The following C9orf72 variants were observed in gnomAD, a reference collection of about 807,000 sequenced individuals.
The protein encoded by C9orf72 is guanine nucleotide exchange factor C9orf72.
A neutral mutation model predicts 51.6 loss-of-function variants in C9orf72; 44 were observed. The ratio of observed to expected loss-of-function variants is 0.85; its 90% confidence interval spans 0.67 to 1.10. The LOEUF (loss-of-function observed/expected upper bound fraction) is 1.10. Among genes scored for constraint, C9orf72 ranks in the 50% least tolerant of loss-of-function variants. C9orf72 has a pLI of 0.00. For missense variants in C9orf72, 607 were observed against 570.6 expected, an observed-to-expected ratio of 1.06 and a Z score of -0.65; for synonymous variants, 213 against 194.2, an observed-to-expected ratio of 1.10 and a Z score of -0.81.
Position 27,566,992 on chromosome 9 carries a change from G to C in C9orf72, c.129C>G (p.His43Gln). ...WDNILGPRVR[H>Q]IWAPKTEQVL... ...CCTGTTCTGTCTTTGGAGCCCAAAT[G>C]TGCCTTACTCTAGGACCAAGAATAT... The change falls in exon 2 of 11, where the codon CAC becomes CAG. Residue 43 changes from histidine (H) to glutamine (Q), a missense_variant. Coordinates refer to ENST00000380003, the MANE Select transcript of C9orf72 (RefSeq NM_018325.5). 3 of 1,614,068 alleles carry C rather than the reference G, an allele frequency of 1.9e-6. 1 individual carries two copies. In the South Asian group the frequency reaches 3.3e-5, roughly 18 times the overall value.
intron 5 of C9orf72, chr9:27,560,675 A>C: frequency 2.0e-6 from 2 of 991,050 alleles, no homozygotes; most frequent in Non-Finnish European, 2.4e-6. Context: ...CAGATACAGG[A>C]CTAAAGTGCT....
intron 1 of C9orf72, among the ~76,000 whole-genome samples, chr9:27,570,719 T>C (rs1465101307): frequency 6.6e-6 from 1 of 151,832 alleles, no homozygotes; most frequent in Non-Finnish European, 1.5e-5. Context: ...TACAAAAAAT[T>C]AGCCGGGTGT....
At chr9:27,549,367 G>C (rs1029268988) in intron 9 of C9orf72, among the ~76,000 whole-genome samples, 2 of 152,084 alleles carry the variant, frequency 1.3e-5, no homozygotes, top group African/African-American at 2.4e-5. Flanking sequence ...GCAGGGGGTG[G>C]AGTGGGTGGG....
At chr9:27,551,026 A>T (rs1037511436) in intron 8 of C9orf72, among the ~76,000 whole-genome samples, 3 of 152,140 alleles carry the variant, frequency 2.0e-5, no homozygotes, top group Admixed American at 6.6e-5. Flanking sequence ...CTCATCTTTT[A>T]AAAAAAGTAG....
chr9:27,548,740 T>C (rs1471111480), intron 9 of C9orf72, 74 bp from the exon 10 acceptor site: 2 of 818,468 alleles, frequency 2.4e-6, no homozygotes, highest in Non-Finnish European at 4.2e-6. Flanking sequence ...ATGACAGTGT[T>C]GACAGTGCTT....
At chr9:27,560,658 C>T (rs571112409) in intron 5 of C9orf72, 4 of 1,007,026 alleles carry the variant, frequency 4.0e-6, no homozygotes, top group African/African-American at 1.7e-5. Flanking sequence ...GAAAGGCTGA[C>T]ACTGAACAGA....
intron 9 of C9orf72, among the ~76,000 whole-genome samples, chr9:27,549,052 C>A (rs1458748481): frequency 6.6e-6 from 1 of 152,138 alleles, no homozygotes. Flanking sequence ...ACCATGTTGG[C>A]AGGATGGTCT....
chr9:27,567,421 TA>T (rs1819494468), intron 1 of C9orf72, among the ~76,000 whole-genome samples: 1 of 152,086 alleles, frequency 6.6e-6, no homozygotes, highest in African/African-American at 2.4e-5. Flanking sequence ...AGAAATAACT[TA>T]AAAAAGGGCT....
intron 8 of C9orf72, 180 bp downstream of exon 8, chr9:27,556,381 C>T (rs1487726541): frequency 1.7e-6 from 1 of 591,234 alleles, no homozygotes; most frequent in East Asian, 2.8e-5. Flanking sequence ...AGGGTAAACA[C>T]AATTGTATGG....
chr9:27,567,075 C>G lies in C9orf72; in HGVS notation c.46G>C (p.Glu16Gln). ...GGTGATTTGCCACTTAAAGCAATCT[C>G]TGTCTTGGCAACAGCTGGAGATGGC... ...PPPSPAVAKTEIALSGKSPLL... is the reference protein window; with the variant it reads ...PPPSPAVAKTQIALSGKSPLL... Residue 16 changes from glutamate to glutamine, a missense_variant, in exon 2 of 11, where the codon GAG (glutamate) becomes CAG (glutamine). Transcript: ENST00000380003. 4 of 1,614,002 alleles carry G rather than the reference C, an allele frequency of 2.5e-6. No individual in the cohort carries two copies. The highest frequency in any genetic ancestry group is 3.4e-6 in the Non-Finnish European group (4 of 1,179,898).
intron 3 of C9orf72, among the ~76,000 whole-genome samples, chr9:27,563,224 CAGAAA>C (rs1819392686): frequency 6.6e-6 from 1 of 151,786 alleles, no homozygotes; most frequent in South Asian, 2.1e-4. Flanking sequence ...ATCAATAAAA[CAGAAA>C]AATTCCCTTT....
intron 1 of C9orf72, among the ~76,000 whole-genome samples, chr9:27,569,113 A>G (rs1819533107): frequency 6.6e-6 from 1 of 152,144 alleles, no homozygotes; most frequent in African/African-American, 2.4e-5. Flanking sequence ...AGAAAATAGA[A>G]AAAAGCTTCT....
intron 7 of C9orf72, among the ~76,000 whole-genome samples, chr9:27,557,924 AAATAAC>A (rs1371707074): frequency 1.9e-4 from 29 of 151,862 alleles, no homozygotes; most frequent in Non-Finnish European, 3.7e-4. Flanking sequence ...ACTATAATTG[AAATAAC>A]AATAATAGAT....
At chr9:27,563,042 G>A (rs571952726) in intron 3 of C9orf72, among the ~76,000 whole-genome samples, 110 of 151,846 alleles carry the variant, frequency 7.2e-4, no homozygotes, top group African/African-American at 2.6e-3. Flanking sequence ...AAAAAAATTT[G>A]TTAAAGGTCA....
chr9:27,559,118 G>GT (rs1344538244), intron 6 of C9orf72: 2 of 152,230 alleles, frequency 1.3e-5, no homozygotes, highest in Non-Finnish European at 2.9e-5. Context: ...AAAAAGGCAT[G>GT]TAACTATCTT....
At chr9:27,561,560 C>T in intron 5 of C9orf72, 25 bp downstream of exon 5, 4 of 1,609,980 alleles carry the variant, frequency 2.5e-6, no homozygotes, top group Non-Finnish European at 3.4e-6. Flanking sequence ...CTTCATCCAG[C>T]TTTTATGAAA....
intron 3 of C9orf72, among the ~76,000 whole-genome samples, chr9:27,564,762 T>G (rs1819427863): frequency 6.6e-6 from 1 of 152,148 alleles, no homozygotes. Context: ...ACAGCCATGT[T>G]TAAAATATTG....
In C9orf72 at chr9:27,548,117, A is replaced by G. The variant is rs979296178; in HGVS notation, c.*119T>C. On this transcript the variant is annotated 3_prime_UTR_variant, in exon 11 of 11. Transcript: ENST00000380003. Reference sequence around the variant, plus strand: ...GTGAGAACTGTAGTGTAACTTACTTAACTGCAATTGCTGAGAGCAGAATTC... The same window carrying G: ...GTGAGAACTGTAGTGTAACTTACTTGACTGCAATTGCTGAGAGCAGAATTC... 9 of 658,748 alleles carry G rather than the reference A, an allele frequency of 1.4e-5. No individual in the cohort carries two copies. Among genetic ancestry groups the G allele is most frequent in the Admixed American group, 3.3e-5 (1 of 30,222 alleles). The allele number at this position is 658,748 out of a possible 1,614,324, so 40.8% of individuals were successfully genotyped here.
At position 27,558,547 on chromosome 9, in the gene C9orf72, C is replaced by G; in HGVS notation, c.799G>C (p.Glu267Gln). The change falls in exon 7 of 11, where the codon GAA (glutamate) becomes CAA (glutamine). Residue 267 changes from glutamate (E) to glutamine (Q), a missense_variant. Coordinates refer to ENST00000380003, the MANE Select transcript of C9orf72 (RefSeq NM_018325.5). ...TCATATTTAAATGATGATTCTGCTT[C>G]ACATAACCTGGAGCATTTTCTCTCT... ...PAERKCSRLC[E>Q]AESSFKYESG... 1.2e-6 allele frequency: 2 copies of G among 1,609,202 alleles called. No homozygotes were observed. Among genetic ancestry groups the G allele is most frequent in the Non-Finnish European group, 8.5e-7 (1 of 1,178,074 alleles).
Sources: allele counts gnomAD v4.1 joint callset (sites outside exome capture counted in the v4.1 genomes callset), GRCh38; gene constraint gnomAD v4.1.1; transcripts MANE v1.5; gene names NCBI Gene and HGNC (gene_info 2026-07-23, HGNC 2026-07-21).